SMG5: variants seen among roughly 807,000 people sequenced by gnomAD.
The protein encoded by SMG5 is nonsense-mediated mRNA decay factor SMG5.
A neutral mutation model predicts 122.9 loss-of-function variants in SMG5; 53 were observed. The ratio of observed to expected loss-of-function variants is 0.43; its 90% CI spans 0.35 to 0.54. The LOEUF (loss-of-function observed/expected upper bound fraction) is 0.54. Ranked by LOEUF, SMG5 falls within the 20% of genes least tolerant of loss-of-function variation. The probability of loss-of-function intolerance (pLI) is 0.01; values close to 1 mark genes in which losing one functional copy is unlikely to be tolerated. For missense variants in SMG5, 1,153 were observed against 1,285.6 expected, an observed-to-expected ratio of 0.90 and a Z score of 1.58; for synonymous variants, 477 against 490.2, an observed-to-expected ratio of 0.97 and a Z score of 0.35.
chr1:156,282,101 G>C (rs1337258898), intron 1 of SMG5, among the ~76,000 whole-genome samples: 2 of 152,120 alleles, frequency 1.3e-5, no homozygotes, highest in African/African-American at 4.8e-5. Context: ...TGGGACTTTA[G>C]AGCACATCCA....
chr1:156,286,188 C>A, upstream of SMG5: 1 of 1,496,106 alleles, frequency 6.7e-7, no homozygotes, highest in Non-Finnish European at 9.2e-7. Context: ...AGTGAATCTG[C>A]CCCCAGCTTA....
upstream of SMG5, chr1:156,284,255 G>A (rs1478237106): frequency 1.3e-5 from 2 of 152,174 alleles, no homozygotes; most frequent in Admixed American, 6.5e-5. Flanking sequence ...CCTTTAAGCT[G>A]GGCCCCACCT....
At chr1:156,267,724 G>C (rs1558240318) in intron 9 of SMG5, 46 bp from the exon 10 acceptor site, 1 of 1,509,060 alleles carries the variant, frequency 6.6e-7, no homozygotes, top group Non-Finnish European at 9.1e-7. Flanking sequence ...GTGGGGGCTG[G>C]GGAAGGAGAA....
At chr1:156,261,443 A>G (rs777014807) in intron 13 of SMG5, 35 bp from the exon 14 acceptor site, 2 of 1,577,646 alleles carry the variant, frequency 1.3e-6, no homozygotes, top group Admixed American at 3.3e-5. Flanking sequence ...GCCTTCAGCT[A>G]GAGACAGTGG....
rs1204223710 is a variant in SMG5, at chr1:156,265,881, G to C, written c.1755C>G (p.Pro585=). The C allele has an allele frequency of 1.2e-6, 2 of 1,614,074 alleles. No individual in the cohort carries two copies. The highest frequency in any genetic ancestry group is 1.7e-5 in the Admixed American group (1 of 60,006). ...GCTGGAGGAGCAGGTTGCTAAAGGT[G>C]GGGGCCAGTCGGAAGCAGCGCTTAG... ...FQTKRCFRLA[P]TFSNLLLQPT... Residue 585 remains proline (P), a synonymous_variant, in exon 12 of 22, where the codon CCC becomes CCG. Coordinates refer to ENST00000361813, the MANE Select transcript of SMG5 (RefSeq NM_015327.3).
rs1374444473 is a variant in SMG5, at chr1:156,278,955, T to C, written c.154A>G (p.Asn52Asp). ...GCTTACTTGTTCCTCAGGCTAATGT[T>C]TTCTGGTTTGAATACTTCTTGATAA... The part of the protein sequence containing the change: ...TAYQEVFKPE[N>D]ISLRNKLREL... The change falls in exon 2 of 22, where the codon AAC becomes GAC. Residue 52 changes from asparagine (N) to aspartate (D), a missense_variant. Around this residue, in one of 5 missense-constraint regions of SMG5, gnomAD observed 213 missense variants for 197.5 expected, o/e 1.08. Transcript: ENST00000361813. 1.1e-5 allele frequency: 17 copies of C among 1,613,998 alleles called. No individual in the cohort carries two copies. The highest frequency in any genetic ancestry group is 1.4e-5 in the Non-Finnish European group (17 of 1,179,994).
chr1:156,256,698 T>G (rs1661592518), intron 16 of SMG5, among the ~76,000 whole-genome samples: 1 of 151,976 alleles, frequency 6.6e-6, no homozygotes, highest in South Asian at 2.1e-4. Context: ...GGCCTACGCG[T>G]TCCTCAGAGG....
At chr1:156,269,089 G>C (rs1178376008) in intron 7 of SMG5, among the ~76,000 whole-genome samples, 2 of 151,940 alleles carry the variant, frequency 1.3e-5, no homozygotes, top group Admixed American at 6.6e-5. Flanking sequence ...TCGTGCCTGA[G>C]TCTCCCAAGT....
upstream of SMG5, chr1:156,285,747 G>A: frequency 6.2e-7 from 1 of 1,613,330 alleles, no homozygotes; most frequent in Non-Finnish European, 8.5e-7. Context: ...GAGCGCAAGT[G>A]GGCTGAGGCA....
At chr1:156,252,295 T>C (rs999547202) in intron 19 of SMG5, 119 bp downstream of exon 19, 19 of 841,548 alleles carry the variant, frequency 2.3e-5, no homozygotes, top group South Asian at 1.7e-4. Flanking sequence ...GTGAGCTAAC[T>C]GTGAGTAGAG....
At chr1:156,251,653 T>A (rs1661362606) in intron 19 of SMG5, among the ~76,000 whole-genome samples, 176 bp from the exon 20 acceptor site, 1 of 152,126 alleles carries the variant, frequency 6.6e-6, no homozygotes, top group Admixed American at 6.5e-5. Context: ...TGGGCCCAGC[T>A]CACTTTTCCT....
chr1:156,260,695 T>G, intron 14 of SMG5, 69 bp from the exon 15 acceptor site: 1 of 1,361,646 alleles, frequency 7.3e-7, no homozygotes, highest in East Asian at 2.8e-5. Flanking sequence ...ACATAACCCT[T>G]CCCTTTGGGA....
intron 19 of SMG5, 66 bp downstream of exon 19, chr1:156,252,348 C>T: frequency 2.0e-6 from 3 of 1,498,000 alleles, no homozygotes; most frequent in Non-Finnish European, 2.8e-6. Flanking sequence ...AAGGGGCTTT[C>T]ATAAGCATGT....
At chr1:156,265,376 ACT>A (rs968556187) in intron 12 of SMG5, among the ~76,000 whole-genome samples, 1 of 152,164 alleles carries the variant, frequency 6.6e-6, no homozygotes. Context: ...CTAAATGGGT[ACT>A]CTGTTTGCAG....
intron 10 of SMG5, among the ~76,000 whole-genome samples, chr1:156,267,045 C>T (rs1190893709): frequency 6.6e-6 from 1 of 152,148 alleles, no homozygotes; most frequent in African/African-American, 2.4e-5. Context: ...AGGTTCCTCC[C>T]CATGCCTCAA....
At chr1:156,279,658 T>C (rs1254822283) in intron 1 of SMG5, among the ~76,000 whole-genome samples, 4 of 152,146 alleles carry the variant, frequency 2.6e-5, no homozygotes, top group Non-Finnish European at 5.9e-5. Flanking sequence ...CATTCAATAA[T>C]GGTGGAATGA....
intron 19 of SMG5, 57 bp from the exon 20 acceptor site, chr1:156,251,534 C>T (rs1661357082): frequency 1.3e-6 from 2 of 1,577,652 alleles, no homozygotes; most frequent in South Asian, 1.1e-5. Context: ...GGGTGCCTTA[C>T]ACAAAGCAGT....
In SMG5 at chr1:156,279,842, A is replaced by G. The variant is rs1483094232; in HGVS notation, c.75-808T>C. ...ATTCTGCTGAAGGAATTATTTGTTG[A>G]ACATAGTGGTTAAGAGTGTAGGCAT... On this transcript the variant is annotated intron_variant, in intron 1 of 21. Coordinates refer to ENST00000361813, the MANE Select transcript of SMG5 (RefSeq NM_015327.3). 3.9e-5 allele frequency among the ~76,000 whole-genome samples: 6 copies of G among 152,156 alleles called. No individual in the cohort carries two copies. In the South Asian group the frequency reaches 8.3e-4, roughly 21 times the overall value.
At chr1:156,289,584 C>A in the SMG5 span, among the ~76,000 whole-genome samples, 1 of 152,298 alleles carries the variant, frequency 6.6e-6, no homozygotes, top group Non-Finnish European at 1.5e-5. Flanking sequence ...TGCACTCCAG[C>A]CTGGGCGACA....
Sources: allele counts gnomAD v4.1 joint callset (sites outside exome capture counted in the v4.1 genomes callset), GRCh38; gene constraint gnomAD v4.1.1; regional missense constraint gnomAD v4.1.1; transcripts MANE v1.5; gene names NCBI Gene and HGNC (gene_info 2026-07-23, HGNC 2026-07-21).